PGAP1: variants seen among roughly 807,000 people sequenced by gnomAD.
PGAP1 encodes post-GPI attachment to proteins inositol deacylase 1.
In PGAP1, 76 loss-of-function variants were observed where a neutral mutation model predicts 127.0. The ratio of observed to expected loss-of-function variants is 0.60; its 90% confidence interval spans 0.50 to 0.72. The LOEUF (loss-of-function observed/expected upper bound fraction) is 0.72, where lower values mean the gene tolerates loss of function less well. PGAP1 is among the 30% of genes least tolerant of loss of function. The pLI is 0.00. For missense variants in PGAP1, 982 were observed against 1,071.3 expected (o/e 0.92, Z 1.16); for synonymous variants, 362 against 366.5 (o/e 0.99, Z 0.14).
intron 21 of PGAP1, 133 bp from the exon 22 acceptor site, chr2:196,847,333 C>A: frequency 3.1e-6 from 2 of 642,124 alleles, no homozygotes; most frequent in South Asian, 4.8e-5. Flanking sequence ...TACTGAAAAA[C>A]AAATTTTTAA....
chr2:196,837,741 C>T lies in PGAP1; in HGVS notation c.*3493G>A, dbSNP rs1277661423. 1 of 152,174 alleles carries T rather than the reference C, an allele frequency of 6.6e-6. No homozygotes were observed. Among genetic ancestry groups the T allele is most frequent in the Non-Finnish European group, 1.5e-5 (1 of 68,040 alleles). The allele number at this position is 152,174 out of a possible 1,614,324, so 9.4% of individuals were successfully genotyped here. ...ACATGAATGACAAGACAACCAACAACAAACACTATGCCTATTACAGTTATT... is the reference window on the plus strand; with the variant it reads ...ACATGAATGACAAGACAACCAACAATAAACACTATGCCTATTACAGTTATT... On this transcript the variant is annotated 3_prime_UTR_variant, in exon 27 of 27. Transcript: ENST00000354764.
At chr2:196,880,288 T>C in intron 12 of PGAP1, 135 bp from the exon 13 acceptor site, 1 of 527,952 alleles carries the variant, frequency 1.9e-6, no homozygotes, top group Non-Finnish European at 3.3e-6. Flanking sequence ...CAGTACTTCA[T>C]AAAATGCCCA....
At chr2:196,841,523 T>G (rs1200562371) in intron 26 of PGAP1, 151 bp from the exon 27 acceptor site, 5 of 653,964 alleles carry the variant, frequency 7.6e-6, no homozygotes, top group Non-Finnish European at 9.8e-6. Flanking sequence ...TCATAATTTC[T>G]TTTTTTATTT....
chr2:196,836,262 T>G lies in PGAP1; in HGVS notation c.*4972A>C, dbSNP rs1200305790. On this transcript the variant is annotated 3_prime_UTR_variant, in exon 27 of 27. Coordinates refer to ENST00000354764, the MANE Select transcript of PGAP1 (RefSeq NM_024989.4). Reference sequence around the variant, plus strand: ...TTTGGCAGCATAACATGCCAAACACTTTCAGAAAGTCCTGTACTTTATTTA... The same window carrying G: ...TTTGGCAGCATAACATGCCAAACACGTTCAGAAAGTCCTGTACTTTATTTA... The G allele has an allele frequency of 6.6e-6, 1 of 152,578 alleles. No homozygotes were observed. The highest frequency in any genetic ancestry group is 2.4e-5 in the African/African-American group (1 of 41,458). 9.5% of individuals were successfully genotyped at this position (152,578 alleles called of 1,614,324 possible). A position where few individuals can be genotyped will look rare whatever the true frequency, so the allele number is the denominator to read the frequency against.
At chr2:196,904,913 A>G (rs535441275) in intron 4 of PGAP1, among the ~76,000 whole-genome samples, 1 of 152,194 alleles carries the variant, frequency 6.6e-6, no homozygotes, top group African/African-American at 2.4e-5. Context: ...CTCCTATTGA[A>G]AGGCAGTATT....
chr2:196,868,996 T>C (rs925327052), intron 19 of PGAP1, among the ~76,000 whole-genome samples: 44 of 152,330 alleles, frequency 2.9e-4, no homozygotes, highest in African/African-American at 1.0e-3. Flanking sequence ...TTAATTTTTT[T>C]ATAGAACTAA....
At chr2:196,885,948 C>T (rs753621381) in intron 10 of PGAP1, 68 bp from the exon 11 acceptor site, 33 of 1,058,422 alleles carry the variant, frequency 3.1e-5, no homozygotes, top group Non-Finnish European at 4.0e-5. Context: ...AAACAAACAC[C>T]CATTTTCAAC....
Position 196,875,581 on chromosome 2 carries a change from T to C in PGAP1, c.1426+165A>G, listed in dbSNP as rs79479880. ...GATTATGGAAGTTCACTTCTCAGAA[T>C]ATGACTGCTAGCCCAATGAGAATAA... On this transcript the variant is annotated intron_variant, in intron 14 of 26. Transcript: ENST00000354764. Among the ~76,000 whole-genome samples the C allele has an allele frequency of 7.2e-5, 11 of 152,192 alleles. No homozygotes were observed. The East Asian group carries it at 2.1e-3, about 29-fold the overall frequency.
chr2:196,916,490 C>G lies in PGAP1; in HGVS notation c.405G>C (p.Leu135Phe). 6.2e-7 allele frequency: 1 copy of G among 1,613,634 alleles called. No homozygotes were observed. Among genetic ancestry groups the G allele is most frequent in the Non-Finnish European group, 8.5e-7 (1 of 1,179,784 alleles). The change falls in exon 3 of 27, where the codon TTG becomes TTC. Residue 135 changes from leucine (L) to phenylalanine (F), a missense_variant. Coordinates refer to ENST00000354764, the MANE Select transcript of PGAP1 (RefSeq NM_024989.4). ...SVNFNEELVA[L>F]YGGSLQKQTK... The stretch of plus-strand genomic sequence containing the variant: ...TCTGCTTCTGAAGACTTCCACCATA[C>G]AAAGCCACCAGTTCTTCATTGAAGT...
chr2:196,913,168 A>G (rs1272911104), intron 3 of PGAP1, 115 bp from the exon 4 acceptor site: 4 of 856,680 alleles, frequency 4.7e-6, no homozygotes, highest in Non-Finnish European at 7.1e-6. Context: ...AACTATTTAT[A>G]TAACCTCCCA....
intron 9 of PGAP1, among the ~76,000 whole-genome samples, chr2:196,892,037 GA>G (rs965497157): frequency 1.3e-5 from 2 of 150,454 alleles, no homozygotes; most frequent in African/African-American, 2.4e-5. Context: ...TAAGTTTCAA[GA>G]AAAAAAAGGG....
chr2:196,891,257 T>C (rs1194017998), intron 9 of PGAP1, among the ~76,000 whole-genome samples: 4 of 152,156 alleles, frequency 2.6e-5, no homozygotes, highest in Non-Finnish European at 5.9e-5. Context: ...CAAGCATTTC[T>C]AGTACCAGAT....
chr2:196,905,161 T>C lies in PGAP1; in HGVS notation c.650-2419A>G, dbSNP rs1393198419. Among the ~76,000 whole-genome samples the C allele has an allele frequency of 2.6e-5, 4 of 152,302 alleles. No homozygotes were observed. The East Asian group carries it at 5.8e-4, about 22-fold the overall frequency. ...CCAAAGCAATAAAACCTATTGAGGG[T>C]GCATTCCTCAAGTAATTTTTAAAAT... On this transcript the variant is annotated intron_variant, in intron 4 of 26. Transcript: ENST00000354764.
intron 7 of PGAP1, among the ~76,000 whole-genome samples, chr2:196,894,544 T>C (rs566843655): frequency 1.6e-3 from 247 of 152,328 alleles, no homozygotes; most frequent in Non-Finnish European, 2.7e-3. Flanking sequence ...GGCTCATGCC[T>C]GTAATTCCAG....
rs1336826511 is a variant in PGAP1, at chr2:196,837,668, T to A, written c.*3566A>T. The A allele has an allele frequency of 6.6e-6, 1 of 152,062 alleles. No homozygotes were observed. The highest frequency in any genetic ancestry group is 2.4e-5 in the African/African-American group (1 of 41,410). 9.4% of individuals were successfully genotyped at this position (152,062 alleles called of 1,614,324 possible). A position where few individuals can be genotyped will look rare whatever the true frequency, so the allele number is the denominator to read the frequency against. On this transcript the variant is annotated 3_prime_UTR_variant, in exon 27 of 27. Transcript: ENST00000354764. The stretch of plus-strand genomic sequence containing the variant: ...GGAACTAAATAATGAACAAAACAAA[T>A]AATCCACCTCATGTAAGTTTGTGTG...
chr2:196,840,298 T>C lies in PGAP1; in HGVS notation c.*936A>G, dbSNP rs1214510578. On this transcript the variant is annotated 3_prime_UTR_variant, in exon 27 of 27. Coordinates refer to ENST00000354764, the MANE Select transcript of PGAP1 (RefSeq NM_024989.4). The stretch of plus-strand genomic sequence containing the variant: ...TGATGTTACCTTGATCATGTTGTTG[T>C]TGTTGTTTTTTCCCACAGCAGAAAA... The C allele has an allele frequency of 6.6e-6, 1 of 152,158 alleles. No individual in the cohort carries two copies. Among genetic ancestry groups the C allele is most frequent in the Non-Finnish European group, 1.5e-5 (1 of 68,018 alleles). The allele number at this position is 152,158 out of a possible 1,614,324, so 9.4% of individuals were successfully genotyped here. A position where few individuals can be genotyped will look rare whatever the true frequency, so the allele number is the denominator to read the frequency against.
In PGAP1 at chr2:196,886,775, G is replaced by T. The variant is rs192030654; in HGVS notation, c.1174-895C>A. 2.6e-3 allele frequency among the ~76,000 whole-genome samples: 402 copies of T among 151,928 alleles called. 2 individuals are homozygous for T. Among genetic ancestry groups the T allele is most frequent in the African/African-American group, 9.2e-3 (382 of 41,432 alleles). ...TGCAGTGGCACAATCTCGGCTCACT[G>T]CAACCTCTGCCTCCTGGGTTCAAGC... On this transcript the variant is annotated intron_variant, in intron 10 of 26. Coordinates refer to ENST00000354764, the MANE Select transcript of PGAP1 (RefSeq NM_024989.4).
intron 5 of PGAP1, among the ~76,000 whole-genome samples, chr2:196,900,333 G>A (rs985067206): frequency 6.6e-6 from 1 of 152,054 alleles, no homozygotes; most frequent in South Asian, 2.1e-4. Context: ...TATCTGTGTG[G>A]GACTATATTA....
At chr2:196,925,712 T>C (rs1019570434) in intron 1 of PGAP1, among the ~76,000 whole-genome samples, 8 of 152,038 alleles carry the variant, frequency 5.3e-5, no homozygotes, top group Admixed American at 1.3e-4. Flanking sequence ...AATAGCACCA[T>C]GAAATAGATT....
Sources: gnomAD v4.1 joint callset for allele counts (sites outside exome capture counted in the v4.1 genomes callset) on GRCh38, gnomAD v4.1.1 for gene constraint, MANE v1.5 for transcripts, NCBI Gene and HGNC (gene_info 2026-07-23, HGNC 2026-07-21) for gene names.